PPP3CA: variants seen among roughly 807,000 people sequenced by gnomAD.
PPP3CA encodes the protein CAM-PRP catalytic subunit.
PPP3CA carries 14 observed loss-of-function variants against 66.5 expected under a neutral mutation model. The ratio of observed to expected loss-of-function variants is 0.21; its 90% CI spans 0.14 to 0.33. The LOEUF (loss-of-function observed/expected upper bound fraction) is 0.33. Among genes scored for constraint, PPP3CA ranks in the 10% least tolerant of loss-of-function variants. The probability of loss-of-function intolerance (pLI) is 1.00; values close to 1 mark genes in which losing one functional copy is unlikely to be tolerated. For synonymous variants in PPP3CA, 232 were observed against 226.2 expected, an observed-to-expected ratio of 1.03 and a Z score of -0.23; for missense variants, 317 against 639.5, an observed-to-expected ratio of 0.50 and a Z score of 5.44.
intron 2 of PPP3CA, among the ~76,000 whole-genome samples, chr4:101,185,137 A>C (rs983341707): frequency 6.6e-6 from 1 of 152,034 alleles, no homozygotes; most frequent in Non-Finnish European, 1.5e-5. Flanking sequence ...ATAATTCAGC[A>C]CTTGCATGCC....
chr4:101,226,263 C>T (rs1389831620), intron 1 of PPP3CA, among the ~76,000 whole-genome samples: 4 of 151,642 alleles, frequency 2.6e-5, no homozygotes, highest in South Asian at 2.1e-4. Context: ...CAGGTACTTG[C>T]GCACACCTGT....
intron 2 of PPP3CA, among the ~76,000 whole-genome samples, chr4:101,163,838 G>C (rs530075647): frequency 9.8e-4 from 149 of 152,074 alleles, no homozygotes; most frequent in Middle Eastern, 3.4e-3. Flanking sequence ...ATTTGGTTTG[G>C]TCTAGCTCCT....
chr4:101,346,967 G>T lies in PPP3CA; in HGVS notation c.-171C>A. On this transcript the variant is annotated 5_prime_UTR_variant, in exon 1 of 14. Coordinates refer to ENST00000394854, the MANE Select transcript of PPP3CA (RefSeq NM_000944.5). ...TGGCTTTAAAGTTGCTGCCTTTTCC[G>T]CGCGTCCCTCCTCCGCCGCCGCCGC... 2.8e-6 allele frequency: 2 copies of T among 718,252 alleles called. No individual in the cohort carries two copies. Among genetic ancestry groups the T allele is most frequent in the Non-Finnish European group, 4.5e-6 (2 of 439,634 alleles). The allele number at this position is 718,252 out of a possible 1,614,324, so 44.5% of individuals were successfully genotyped here.
At chr4:101,255,143 G>A (rs1726800723) in intron 1 of PPP3CA, among the ~76,000 whole-genome samples, 1 of 150,808 alleles carries the variant, frequency 6.6e-6, no homozygotes, top group South Asian at 2.1e-4. Flanking sequence ...AACTTCAAAT[G>A]TTACAGATTT....
chr4:101,252,749 G>T (rs1240480068), intron 1 of PPP3CA, among the ~76,000 whole-genome samples: 2 of 152,168 alleles, frequency 1.3e-5, no homozygotes, highest in African/African-American at 4.8e-5. Flanking sequence ...GCCTGGCTCA[G>T]AGGCCCAACT....
At chr4:101,188,803 C>T (rs932952456) in intron 2 of PPP3CA, among the ~76,000 whole-genome samples, 14 of 152,094 alleles carry the variant, frequency 9.2e-5, no homozygotes, top group African/African-American at 3.4e-4. Context: ...AGCTATCTGA[C>T]CTCCAGGTCA....
intron 1 of PPP3CA, among the ~76,000 whole-genome samples, chr4:101,339,484 G>T (rs893536880): frequency 6.6e-6 from 1 of 152,142 alleles, no homozygotes; most frequent in African/African-American, 2.4e-5. Flanking sequence ...TCAAGTGACC[G>T]AACAGAACAG....
chr4:101,102,703 G>A (rs889175813), intron 3 of PPP3CA, among the ~76,000 whole-genome samples: 1 of 152,106 alleles, frequency 6.6e-6, no homozygotes, highest in Non-Finnish European at 1.5e-5. Flanking sequence ...TTAAAAAAGG[G>A]AAGTCTCTTG....
chr4:101,339,054 C>T (rs1202686763), intron 1 of PPP3CA, among the ~76,000 whole-genome samples: 3 of 152,100 alleles, frequency 2.0e-5, no homozygotes, highest in Non-Finnish European at 4.4e-5. Context: ...GTTAGTGCCA[C>T]CTTTTTCTTA....
intron 10 of PPP3CA, among the ~76,000 whole-genome samples, chr4:101,043,601 G>A (rs901848125): frequency 2.0e-5 from 3 of 151,708 alleles, no homozygotes; most frequent in African/African-American, 7.3e-5. Flanking sequence ...TCGGCCGGGC[G>A]CAGTGGCTCA....
chr4:101,186,260 T>G (rs115568170), intron 2 of PPP3CA, among the ~76,000 whole-genome samples: 182 of 152,188 alleles, frequency 1.2e-3, no homozygotes, highest in Middle Eastern at 3.4e-3. Context: ...GGGTTGCCAA[T>G]GAGAGGGAGA....
At chr4:101,259,542 G>C (rs1015148875) in intron 1 of PPP3CA, among the ~76,000 whole-genome samples, 1 of 152,158 alleles carries the variant, frequency 6.6e-6, no homozygotes, top group Non-Finnish European at 1.5e-5. Context: ...GGAGCTAAAA[G>C]TAATATTTCT....
At chr4:101,300,925 T>C (rs769066383) in intron 1 of PPP3CA, among the ~76,000 whole-genome samples, 1 of 152,212 alleles carries the variant, frequency 6.6e-6, no homozygotes, top group Non-Finnish European at 1.5e-5. Flanking sequence ...TCTATCACTA[T>C]GTATAAATAT....
chr4:101,286,123 T>C (rs895964210), intron 1 of PPP3CA, among the ~76,000 whole-genome samples: 4 of 152,152 alleles, frequency 2.6e-5, no homozygotes, highest in African/African-American at 9.7e-5. Context: ...TAGATCCTCA[T>C]ATGTACAGTT....
intron 2 of PPP3CA, among the ~76,000 whole-genome samples, chr4:101,187,441 A>G (rs1284833087): frequency 6.6e-6 from 1 of 152,160 alleles, no homozygotes; most frequent in Non-Finnish European, 1.5e-5. Context: ...CATTTCCTCA[A>G]TTCAGAGTCT....
chr4:101,164,995 T>A (rs1723646073), intron 2 of PPP3CA, among the ~76,000 whole-genome samples: 1 of 152,088 alleles, frequency 6.6e-6, no homozygotes, highest in African/African-American at 2.4e-5. Context: ...GCACTGACTC[T>A]GGGTAGGGGA....
intron 3 of PPP3CA, among the ~76,000 whole-genome samples, chr4:101,106,227 G>T (rs1267222196): frequency 6.6e-6 from 1 of 151,328 alleles, no homozygotes; most frequent in Non-Finnish European, 1.5e-5. Context: ...AGGCTAAGGC[G>T]GGAGGATCAC....
intron 1 of PPP3CA, among the ~76,000 whole-genome samples, chr4:101,245,273 T>C (rs988692682): frequency 1.3e-5 from 2 of 152,196 alleles, no homozygotes; most frequent in African/African-American, 2.4e-5. Context: ...CAAAGAGCAC[T>C]AGCTCCTCTG....
intron 2 of PPP3CA, among the ~76,000 whole-genome samples, chr4:101,144,962 T>C (rs920195324): frequency 6.6e-6 from 1 of 152,324 alleles, no homozygotes; most frequent in Admixed American, 6.5e-5. Context: ...TAAACATATA[T>C]GAATACAAAT....
Sources: gnomAD v4.1 joint callset for allele counts (sites outside exome capture counted in the v4.1 genomes callset) on GRCh38, gnomAD v4.1.1 for gene constraint, MANE v1.5 for transcripts, NCBI Gene and HGNC (gene_info 2026-07-23, HGNC 2026-07-21) for gene names.